The following PDE4D variants were observed in gnomAD, a reference collection of about 807,000 sequenced individuals.
PDE4D encodes phosphodiesterase 4D.
Under a neutral mutation model 87.4 loss-of-function variants are expected in PDE4D, and 24 were observed. That is an observed-to-expected ratio of 0.27 (90% CI 0.20 to 0.39). The LOEUF (loss-of-function observed/expected upper bound fraction) is 0.39. Among genes scored for constraint, PDE4D ranks in the 10% least tolerant of loss-of-function variants. PDE4D has a pLI of 1.00. For synonymous variants in PDE4D, 384 were observed against 383.2 expected, an observed-to-expected ratio of 1.00 and a Z score of -0.02; for missense variants, 714 against 1,041.0, an observed-to-expected ratio of 0.69 and a Z score of 4.32.
chr5:60,482,311 A>G (rs1306447939), intron 1 of PDE4D, among the ~76,000 whole-genome samples: 1 of 152,142 alleles, frequency 6.6e-6, no homozygotes, highest in Non-Finnish European at 1.5e-5. Flanking sequence ...TAGCCTCCAG[A>G]ACTGTAAAAA....
intron 6 of PDE4D, among the ~76,000 whole-genome samples, chr5:59,025,163 A>G (rs1755971406): frequency 6.6e-6 from 1 of 152,162 alleles, no homozygotes; most frequent in Non-Finnish European, 1.5e-5. Flanking sequence ...ACACCTATAT[A>G]TATTTAAAGC....
At chr5:59,186,104 T>C (rs983265224) in intron 3 of PDE4D, among the ~76,000 whole-genome samples, 8 of 152,170 alleles carry the variant, frequency 5.3e-5, no homozygotes, top group Non-Finnish European at 1.2e-4. Flanking sequence ...TTCCCCAGGG[T>C]CAAACCCATA....
chr5:59,452,800 T>C (rs1303453060), intron 1 of PDE4D, among the ~76,000 whole-genome samples: 1 of 152,204 alleles, frequency 6.6e-6, no homozygotes, highest in Non-Finnish European at 1.5e-5. Flanking sequence ...ACATTTAATG[T>C]CTTTACTCCT....
intron 3 of PDE4D, among the ~76,000 whole-genome samples, chr5:59,926,518 G>C (rs917716628): frequency 1.3e-5 from 2 of 152,020 alleles, no homozygotes; most frequent in African/African-American, 4.8e-5. Flanking sequence ...CAGTGCAGAA[G>C]TAAATGAAAT....
intron 1 of PDE4D, among the ~76,000 whole-genome samples, chr5:60,297,082 A>G (rs1753472350): frequency 6.6e-6 from 1 of 152,210 alleles, no homozygotes; most frequent in African/African-American, 2.4e-5. Flanking sequence ...CCAGAACTTA[A>G]AGTATAATTT....
At chr5:60,462,711 G>A (rs758456849) in intron 1 of PDE4D, among the ~76,000 whole-genome samples, 20 of 152,186 alleles carry the variant, frequency 1.3e-4, no homozygotes, top group Non-Finnish European at 2.6e-4. Context: ...ACACCGAACT[G>A]TAGAATAGTG....
chr5:59,799,354 GAAAC>G (rs1410288625), intron 1 of PDE4D, among the ~76,000 whole-genome samples: 12 of 152,206 alleles, frequency 7.9e-5, no homozygotes, highest in African/African-American at 2.4e-4. Context: ...TGAAGAAAGT[GAAAC>G]AAACAGTAAA....
At chr5:59,747,666 TAA>T (rs1759815949) in intron 1 of PDE4D, among the ~76,000 whole-genome samples, 1 of 152,158 alleles carries the variant, frequency 6.6e-6, no homozygotes, top group Admixed American at 6.6e-5. Context: ...TAGAAGGAAT[TAA>T]GAGACACTTT....
At chr5:60,090,185 G>A (rs1241753610) in intron 2 of PDE4D, among the ~76,000 whole-genome samples, 1 of 151,936 alleles carries the variant, frequency 6.6e-6, no homozygotes, top group Non-Finnish European at 1.5e-5. Context: ...ATCCTAAAAG[G>A]CCAGGATTAT....
intron 5 of PDE4D, among the ~76,000 whole-genome samples, chr5:59,141,144 A>G (rs1359045421): frequency 1.3e-5 from 2 of 152,226 alleles, no homozygotes; most frequent in Admixed American, 6.5e-5. Context: ...AACAAAATGC[A>G]TTTCCTACAA....
chr5:59,618,611 A>G (rs1829989932), intron 1 of PDE4D, among the ~76,000 whole-genome samples: 1 of 152,182 alleles, frequency 6.6e-6, no homozygotes, highest in Non-Finnish European at 1.5e-5. Flanking sequence ...CATTGTGTGA[A>G]AAACAGATTA....
intron 1 of PDE4D, among the ~76,000 whole-genome samples, chr5:60,268,281 T>TA (rs1396502386): frequency 3.3e-5 from 5 of 152,192 alleles, no homozygotes; most frequent in Admixed American, 3.3e-4. Flanking sequence ...AAGTAATAGA[T>TA]ACAAAATTCA....
chr5:59,091,020 T>TACA (rs1768633221), intron 5 of PDE4D: 1 of 420,906 alleles, frequency 2.4e-6, no homozygotes, highest in African/African-American at 2.1e-5. Context: ...CATGAAGAGC[T>TACA]ACAACAACAA....
At chr5:60,407,444 C>CTTTTTTTTTTTTTTT in intron 1 of PDE4D, among the ~76,000 whole-genome samples, 1 of 80,092 alleles carries the variant, frequency 1.2e-5, no homozygotes, top group Non-Finnish European at 2.3e-5. Context: ...TTTCTTTTTC[C>CTTTTTTTTTTTTTTT]TTTTTTTTTT....
intron 2 of PDE4D, among the ~76,000 whole-genome samples, chr5:60,121,599 T>C (rs968801432): frequency 1.1e-4 from 17 of 151,372 alleles, no homozygotes; most frequent in Non-Finnish European, 2.4e-4. Flanking sequence ...GAGAACAGTG[T>C]GGAGGAAACT....
chr5:60,165,224 C>T (rs1253232026), intron 2 of PDE4D, among the ~76,000 whole-genome samples: 1 of 152,166 alleles, frequency 6.6e-6, no homozygotes, highest in Admixed American at 6.5e-5. Context: ...GATTCCATAT[C>T]TTGGCTATCA....
At chr5:60,147,192 G>A (rs1582865031) in intron 2 of PDE4D, among the ~76,000 whole-genome samples, 2 of 152,202 alleles carry the variant, frequency 1.3e-5, no homozygotes, top group African/African-American at 4.8e-5. Context: ...TGAACTCTCT[G>A]TTGAATTGAT....
At chr5:59,458,999 G>A (rs1312942174) in intron 1 of PDE4D, among the ~76,000 whole-genome samples, 1 of 152,134 alleles carries the variant, frequency 6.6e-6, no homozygotes, top group Non-Finnish European at 1.5e-5. Context: ...ATAATTTAAT[G>A]TGTATTTTCC....
At chr5:59,381,998 T>C (rs1785963207) in intron 1 of PDE4D, among the ~76,000 whole-genome samples, 1 of 152,180 alleles carries the variant, frequency 6.6e-6, no homozygotes, top group South Asian at 2.1e-4. Flanking sequence ...CTTTTCCTCA[T>C]GACATGCATT....
Sources: gnomAD v4.1 joint callset for allele counts (sites outside exome capture counted in the v4.1 genomes callset) on GRCh38, gnomAD v4.1.1 for gene constraint, MANE v1.5 for transcripts, NCBI Gene and HGNC (gene_info 2026-07-23, HGNC 2026-07-21) for gene names.